Variants in VASH2 observed in about 807,000 individuals in gnomAD.
VASH2 encodes tubulinyl-Tyr carboxypeptidase 2.
In VASH2, 28 loss-of-function variants were observed where a neutral mutation model predicts 37.2. The ratio of observed to expected loss-of-function variants is 0.75; its 90% CI spans 0.56 to 1.03. The LOEUF (loss-of-function observed/expected upper bound fraction) is 1.03, where lower values mean the gene tolerates loss of function less well. VASH2 is among the 50% of genes least tolerant of loss of function. The pLI, the probability that VASH2 is intolerant of heterozygous loss-of-function variation, is 0.00. For missense variants in VASH2, 419 were observed against 459.1 expected (o/e 0.91, Z 0.80); for synonymous variants, 188 against 174.7 (o/e 1.08, Z -0.60).
intron 6 of VASH2, chr1:212,973,518 T>C: frequency 1.5e-6 from 2 of 1,290,366 alleles, no homozygotes; most frequent in East Asian, 5.5e-5. Flanking sequence ...CTGCAGGACC[T>C]GGAGTGGAGA....
chr1:212,973,478 T>C lies in VASH2; in HGVS notation c.880-477T>C, dbSNP rs760066330. The C allele has an allele frequency of 1.0e-4, 129 of 1,290,774 alleles. 1 individual carries two copies. Among genetic ancestry groups the C allele is most frequent in the Non-Finnish European group, 1.3e-4 (127 of 989,652 alleles). 80.0% of individuals were successfully genotyped at this position (1,290,774 alleles called of 1,614,324 possible). On this transcript the variant is annotated intron_variant, in intron 6 of 7. Coordinates refer to ENST00000517399, the MANE Select transcript of VASH2 (RefSeq NM_001301056.2). ...TATGCTGACTTCAGGCCTGGCTATG[T>C]TTAGCACTTGTGGACTTGTCATCTT...
intron 2 of VASH2, among the ~76,000 whole-genome samples, chr1:212,955,221 G>A (rs75007715): frequency 0.025 from 3,848 of 152,304 alleles, 77 homozygotes; most frequent in African/African-American, 0.054. Flanking sequence ...AGCAAAAGAA[G>A]TAGATGGGGG....
rs746388701 is a variant in VASH2, at chr1:212,951,692, C to T, written c.150C>T (p.His50=). 1.8e-5 allele frequency: 29 copies of T among 1,601,438 alleles called. No individual in the cohort carries two copies. In the Admixed American group the frequency reaches 4.7e-4, roughly 26 times the overall value. Residue 50 remains histidine, a synonymous_variant, in exon 2 of 8, where the codon CAC becomes CAT. Coordinates refer to ENST00000517399, the MANE Select transcript of VASH2 (RefSeq NM_001301056.2). This position sits in a 1 kb window ranked among gnomAD's most constrained non-coding sequence, Gnocchi z 4.4. ...EEDKDGGVLF[H]VNKSGFPIDS... ...ACAAAGACGGCGGGGTGCTGTTCCA[C>T]GTCAACAAGAGCGGCTTCCCCATCG...
rs547670522 is a variant in VASH2, at chr1:212,955,477, A to G, written c.276+3659A>G. Among the ~76,000 whole-genome samples the G allele has an allele frequency of 3.3e-5, 5 of 152,330 alleles. No homozygotes were observed. In the East Asian group the frequency reaches 9.6e-4, roughly 29 times the overall value. ...TTCAGAAAGACTTTAAGGAAACAGC[A>G]AGAGTCAGTTGGAGGATAATAGCAG... On this transcript the variant is annotated intron_variant, in intron 2 of 7. Coordinates refer to ENST00000517399, the MANE Select transcript of VASH2 (RefSeq NM_001301056.2).
At chr1:212,985,193 T>C in intron 7 of VASH2, among the ~76,000 whole-genome samples, 1 of 142,478 alleles carries the variant, frequency 7.0e-6, no homozygotes, top group African/African-American at 2.6e-5. Flanking sequence ...GGCTAATTTT[T>C]TTTGCTTTTT....
Position 212,989,889 on chromosome 1 carries a change from G to A in VASH2, c.*1305G>A, listed in dbSNP as rs183714003. 2.6e-5 allele frequency: 4 copies of A among 152,210 alleles called. No individual in the cohort carries two copies. Among genetic ancestry groups the A allele is most frequent in the Admixed American group, 2.6e-4 (4 of 15,278 alleles). 9.4% of individuals were successfully genotyped at this position (152,210 alleles called of 1,614,324 possible). Reference sequence around the variant, plus strand: ...AACCCTAACAGCCTAGTCTTGTATGGTGTAAATATCAAGAGTACAGCTTCA... The same window carrying A: ...AACCCTAACAGCCTAGTCTTGTATGATGTAAATATCAAGAGTACAGCTTCA... On this transcript the variant is annotated 3_prime_UTR_variant, in exon 8 of 8. Transcript: ENST00000517399.
chr1:212,978,840 C>T (rs1331805688), intron 7 of VASH2, among the ~76,000 whole-genome samples: 1 of 152,124 alleles, frequency 6.6e-6, no homozygotes, highest in Non-Finnish European at 1.5e-5. Flanking sequence ...GTGGCGGAAA[C>T]CCTTGCCACT....
At chr1:212,969,084 C>G (rs1289208899) in intron 5 of VASH2, 2 of 985,342 alleles carry the variant, frequency 2.0e-6, no homozygotes, top group Non-Finnish European at 2.4e-6. Flanking sequence ...TCTTATCCTT[C>G]TGACATTTCA....
chr1:212,987,281 A>T (rs1667507792), intron 7 of VASH2, among the ~76,000 whole-genome samples: 1 of 150,924 alleles, frequency 6.6e-6, no homozygotes, highest in African/African-American at 2.5e-5. Flanking sequence ...TTTAATACTT[A>T]AGAACAAGGT....
chr1:212,982,461 G>A (rs1011799157), intron 7 of VASH2, among the ~76,000 whole-genome samples: 15 of 152,200 alleles, frequency 9.9e-5, no homozygotes, highest in African/African-American at 3.6e-4. Flanking sequence ...GTGCAGACCC[G>A]GCTGAATCAT....
At chr1:212,985,240 C>G (rs1376113309) in intron 7 of VASH2, among the ~76,000 whole-genome samples, 1 of 139,994 alleles carries the variant, frequency 7.1e-6, no homozygotes, top group African/African-American at 2.7e-5. Context: ...GGGGTTTCAC[C>G]GTGGTGCCCA....
In VASH2 at chr1:212,988,766, C is replaced by A. The variant is rs2075825293; in HGVS notation, c.*182C>A. On this transcript the variant is annotated 3_prime_UTR_variant, in exon 8 of 8. Transcript: ENST00000517399. ...GCTTTAAAAAATTCACTAAAAGGCA[C>A]CATGAAAAGGCTGAAGTAATAAGCC... The A allele has an allele frequency of 4.6e-6, 3 of 649,624 alleles. No homozygotes were observed. The South Asian group carries it at 5.7e-5, about 12-fold the overall frequency. 40.2% of individuals were successfully genotyped at this position (649,624 alleles called of 1,614,324 possible). A position where few individuals can be genotyped will look rare whatever the true frequency, so the allele number is the denominator to read the frequency against.
intron 2 of VASH2, chr1:212,952,788 G>T (rs1666361904): frequency 1.3e-5 from 2 of 152,184 alleles, no homozygotes; most frequent in African/African-American, 4.8e-5. Flanking sequence ...CCAGACTTGA[G>T]ACCCGGAAGG....
At chr1:212,984,359 C>A (rs1202444239) in intron 7 of VASH2, among the ~76,000 whole-genome samples, 1 of 152,140 alleles carries the variant, frequency 6.6e-6, no homozygotes, top group African/African-American at 2.4e-5. Flanking sequence ...GGTGGCAGGC[C>A]TGTGGCTAGT....
chr1:212,966,477 C>A (rs568789105), intron 5 of VASH2, 132 bp downstream of exon 5: 2 of 750,724 alleles, frequency 2.7e-6, no homozygotes, highest in Non-Finnish European at 2.2e-6. Context: ...TGTCAAACTC[C>A]TCTGGTTCAT....
chr1:212,983,695 T>C lies in VASH2; in HGVS notation c.996-4817T>C, dbSNP rs1021962522. Reference sequence around the variant, plus strand: ...TGGTAGGGAGTCAGAAAATACTTCCTGAGGTTAGTGACATTTGGGATTGCC... The same window carrying C: ...TGGTAGGGAGTCAGAAAATACTTCCCGAGGTTAGTGACATTTGGGATTGCC... On this transcript the variant is annotated intron_variant, in intron 7 of 7. Coordinates refer to ENST00000517399, the MANE Select transcript of VASH2 (RefSeq NM_001301056.2). 8.5e-5 allele frequency among the ~76,000 whole-genome samples: 13 copies of C among 152,300 alleles called. No individual in the cohort carries two copies. The South Asian group carries it at 1.9e-3, about 22-fold the overall frequency.
intron 6 of VASH2, chr1:212,973,676 T>C: frequency 9.5e-6 from 12 of 1,260,810 alleles, no homozygotes; most frequent in Non-Finnish European, 1.2e-5. Flanking sequence ...CCGGGGAGAC[T>C]GAGGCATTGG....
At chr1:212,953,234 G>A (rs921106383) in intron 2 of VASH2, among the ~76,000 whole-genome samples, 1 of 128,186 alleles carries the variant, frequency 7.8e-6, no homozygotes, top group Non-Finnish European at 1.9e-5. Context: ...GGTGCGCGGG[G>A]GGGGGTGCAT....
chr1:212,990,277 G>A lies in VASH2; in HGVS notation c.*1693G>A, dbSNP rs1230448867. The stretch of plus-strand genomic sequence containing the variant: ...GTATACATCTCCATTAGATTAAAAT[G>A]TAGCACAGGGTTAAAAATTATCAGT... On this transcript the variant is annotated 3_prime_UTR_variant, in exon 8 of 8. Coordinates refer to ENST00000517399, the MANE Select transcript of VASH2 (RefSeq NM_001301056.2). 6.6e-6 allele frequency: 1 copy of A among 152,182 alleles called. No individual in the cohort carries two copies. The allele number at this position is 152,182 out of a possible 1,614,324, so 9.4% of individuals were successfully genotyped here.
Sources: allele counts gnomAD v4.1 joint callset (sites outside exome capture counted in the v4.1 genomes callset), GRCh38; gene constraint gnomAD v4.1.1; non-coding constraint Gnocchi (gnomAD v3.1); transcripts MANE v1.5; gene names NCBI Gene and HGNC (gene_info 2026-07-23, HGNC 2026-07-21).